NCAM2: variants seen among roughly 807,000 people sequenced by gnomAD.
NCAM2 encodes the protein neural cell adhesion molecule 2, also known as N-CAM-2.
Under a neutral mutation model 98.1 loss-of-function variants are expected in NCAM2, and 30 were observed. The observed-to-expected ratio is 0.31, with a 90% CI of 0.23 to 0.41. The LOEUF (loss-of-function observed/expected upper bound fraction) is 0.41, where lower values mean the gene tolerates loss of function less well. NCAM2 is among the 10% of genes least tolerant of loss of function. The pLI, the probability that NCAM2 is intolerant of heterozygous loss-of-function variation, is 1.00. For missense variants in NCAM2, 867 were observed against 1,005.8 expected (o/e 0.86, Z 1.87); for synonymous variants, 368 against 342.4 (o/e 1.07, Z -0.83).
chr21:21,434,923 G>C (rs1314500096), intron 12 of NCAM2, among the ~76,000 whole-genome samples: 1 of 152,102 alleles, frequency 6.6e-6, no homozygotes, highest in Non-Finnish European at 1.5e-5. Flanking sequence ...TTGGGCTGTC[G>C]CTGTCACCTG....
chr21:21,277,624 T>C (rs7275535), intron 1 of NCAM2, among the ~76,000 whole-genome samples: 1,830 of 152,158 alleles, frequency 0.012, 33 homozygotes, highest in African/African-American at 0.042. Context: ...TGCAGAAGCA[T>C]TGGAAATGAG....
chr21:21,514,555 T>A (rs1373420964), intron 16 of NCAM2, among the ~76,000 whole-genome samples: 1 of 151,982 alleles, frequency 6.6e-6, no homozygotes, highest in Non-Finnish European at 1.5e-5. Context: ...TTTTAATTTG[T>A]CTCTTGTCTT....
At chr21:21,316,879 G>T (rs1273536145) in intron 5 of NCAM2, among the ~76,000 whole-genome samples, 2 of 152,044 alleles carry the variant, frequency 1.3e-5, no homozygotes, top group African/African-American at 4.8e-5. Context: ...AACAAATATA[G>T]CCCCTGTATA....
intron 8 of NCAM2, among the ~76,000 whole-genome samples, chr21:21,359,684 A>G (rs961761568): frequency 4.6e-5 from 7 of 152,070 alleles, no homozygotes; most frequent in African/African-American, 1.4e-4. Flanking sequence ...AGCAAAACAT[A>G]TATTATTTTC....
At chr21:21,140,931 A>C (rs2067154965) in intron 1 of NCAM2, among the ~76,000 whole-genome samples, 1 of 152,246 alleles carries the variant, frequency 6.6e-6, no homozygotes, top group East Asian at 1.9e-4. Flanking sequence ...GAGAAAAGGT[A>C]ATTTCTTAAA....
chr21:21,236,841 A>G (rs141589170), intron 1 of NCAM2, among the ~76,000 whole-genome samples: 29 of 152,050 alleles, frequency 1.9e-4, no homozygotes, highest in African/African-American at 5.5e-4. Context: ...GCTTTCCCTA[A>G]TATCCACAAT....
chr21:21,210,617 G>A (rs1344344352), intron 1 of NCAM2: 1 of 1,288,192 alleles, frequency 7.8e-7, no homozygotes, highest in Non-Finnish European at 1.0e-6. Flanking sequence ...AACAGGCAAG[G>A]TCTCTTTGTT....
intron 1 of NCAM2, among the ~76,000 whole-genome samples, chr21:21,058,654 T>A (rs948516419): frequency 5.1e-5 from 7 of 136,540 alleles, no homozygotes; most frequent in Non-Finnish European, 9.4e-5. Flanking sequence ...AGACTTGCAT[T>A]AAAATTCACA....
rs1990195515 is a variant in NCAM2, at chr21:21,540,625, A to G, written c.*2668A>G. ...TAGATTAAACAAACATATACATATA[A>G]CCATATAAATGTTATTTTTATTGTC... On this transcript the variant is annotated 3_prime_UTR_variant, in exon 18 of 18. Transcript: ENST00000400546. 2 of 152,102 alleles carry G rather than the reference A, an allele frequency of 1.3e-5. No individual in the cohort carries two copies. The highest frequency in any genetic ancestry group is 2.9e-5 in the Non-Finnish European group (2 of 67,986). 9.4% of individuals were successfully genotyped at this position (152,102 alleles called of 1,614,324 possible).
intron 3 of NCAM2, among the ~76,000 whole-genome samples, chr21:21,285,730 A>G (rs2073074506): frequency 6.6e-6 from 1 of 151,954 alleles, no homozygotes; most frequent in Non-Finnish European, 1.5e-5. Flanking sequence ...TATAATTCTG[A>G]GTCCTAGCCA....
chr21:21,166,359 C>T (rs1024468297), intron 1 of NCAM2, among the ~76,000 whole-genome samples: 1 of 152,142 alleles, frequency 6.6e-6, no homozygotes, highest in South Asian at 2.1e-4. Context: ...AGGCGCCCAC[C>T]ACCACGCCCA....
intron 16 of NCAM2, among the ~76,000 whole-genome samples, chr21:21,524,017 C>G (rs374246481): frequency 6.1e-5 from 9 of 147,458 alleles, no homozygotes; most frequent in Middle Eastern, 3.5e-3. Context: ...TAAAAAAAAA[C>G]GAGACCCAAC....
At chr21:21,324,961 T>C (rs2074474735) in intron 6 of NCAM2, among the ~76,000 whole-genome samples, 1 of 149,878 alleles carries the variant, frequency 6.7e-6, no homozygotes, top group African/African-American at 2.5e-5. Context: ...TAAAATTCAA[T>C]GAATTTAATG....
At chr21:21,173,553 A>G (rs1210585698) in intron 1 of NCAM2, among the ~76,000 whole-genome samples, 2 of 152,220 alleles carry the variant, frequency 1.3e-5, no homozygotes, top group Non-Finnish European at 2.9e-5. Context: ...CTTATGGAAC[A>G]TGCTAAACTG....
chr21:21,487,654 A>G (rs910396531), intron 15 of NCAM2, among the ~76,000 whole-genome samples: 3 of 152,170 alleles, frequency 2.0e-5, no homozygotes, highest in Admixed American at 2.0e-4. Flanking sequence ...TTTAAAATAT[A>G]GATCTGGATA....
chr21:21,033,302 A>G (rs1053005652), intron 1 of NCAM2, among the ~76,000 whole-genome samples: 16 of 152,212 alleles, frequency 1.1e-4, no homozygotes, highest in African/African-American at 2.9e-4. Flanking sequence ...TTTCAGGCAC[A>G]TGGGATAAGT....
chr21:21,139,911 T>C (rs1042313897), intron 1 of NCAM2, among the ~76,000 whole-genome samples: 1 of 152,188 alleles, frequency 6.6e-6, no homozygotes, highest in African/African-American at 2.4e-5. Flanking sequence ...GTCTTACACA[T>C]ATTTGCCTTG....
At chr21:21,454,574 T>C (rs565692036) in intron 12 of NCAM2, among the ~76,000 whole-genome samples, 21 of 152,148 alleles carry the variant, frequency 1.4e-4, no homozygotes, top group Non-Finnish European at 2.8e-4. Flanking sequence ...TAAATAACTT[T>C]CCTGCATTTG....
intron 11 of NCAM2, among the ~76,000 whole-genome samples, chr21:21,431,715 G>T (rs1327500851): frequency 2.0e-5 from 3 of 151,922 alleles, no homozygotes; most frequent in Non-Finnish European, 4.4e-5. Context: ...TATGGTGATG[G>T]TTGAATAATT....
Sources: allele counts gnomAD v4.1 joint callset (sites outside exome capture counted in the v4.1 genomes callset), GRCh38; gene constraint gnomAD v4.1.1; transcripts MANE v1.5; gene names NCBI Gene and HGNC (gene_info 2026-07-23, HGNC 2026-07-21).